Variants in NRXN1 observed in about 807,000 individuals in gnomAD.
The protein encoded by NRXN1 is neurexin-1.
Under a neutral mutation model 150.9 loss-of-function variants are expected in NRXN1, and 39 were observed. The ratio of observed to expected loss-of-function variants is 0.26; its 90% CI spans 0.20 to 0.34. The LOEUF (loss-of-function observed/expected upper bound fraction) is 0.34, where lower values mean the gene tolerates loss of function less well. NRXN1 is among the 10% of genes least tolerant of loss of function. NRXN1 has a pLI of 1.00. For synonymous variants in NRXN1, 924 were observed against 757.0 expected (o/e 1.22, Z -3.62); for missense variants, 1,815 against 1,949.9 (o/e 0.93, Z 1.30).
chr2:50,509,411 G>C (rs1373062048), intron 12 of NRXN1, among the ~76,000 whole-genome samples: 2 of 152,118 alleles, frequency 1.3e-5, no homozygotes, highest in African/African-American at 4.8e-5. Context: ...TCTATCTAGG[G>C]ATGCTGAAAT....
intron 5 of NRXN1, among the ~76,000 whole-genome samples, chr2:50,834,028 C>G (rs1198391470): frequency 6.6e-6 from 1 of 151,868 alleles, no homozygotes; most frequent in African/African-American, 2.4e-5. Flanking sequence ...TTAATTTATA[C>G]CAGATTATAC....
chr2:50,627,328 T>C (rs956180529), intron 5 of NRXN1, among the ~76,000 whole-genome samples: 2 of 150,096 alleles, frequency 1.3e-5, no homozygotes, highest in Non-Finnish European at 3.0e-5. Flanking sequence ...CATTTGATGA[T>C]AGGTAGTCAA....
At chr2:50,053,646 CAATGGATGATAA>C in intron 20 of NRXN1, 56 bp from the exon 21 acceptor site, 1 of 1,544,808 alleles carries the variant, frequency 6.5e-7, no homozygotes, top group South Asian at 1.1e-5. Context: ...TCTATATCTA[CAATGGATGATAA>C]AACAGATCTT....
intron 18 of NRXN1, among the ~76,000 whole-genome samples, chr2:50,106,115 C>T (rs1701604598): frequency 6.6e-6 from 1 of 151,874 alleles, no homozygotes; most frequent in African/African-American, 2.4e-5. Context: ...TACTCTCCTT[C>T]CATGTATATT....
At chr2:50,684,758 T>A (rs1270164316) in intron 5 of NRXN1, among the ~76,000 whole-genome samples, 1 of 152,320 alleles carries the variant, frequency 6.6e-6, no homozygotes, top group African/African-American at 2.4e-5. Flanking sequence ...CAGTTTAGAT[T>A]GTTAAGGTAA....
chr2:50,512,870 G>A lies in NRXN1; in HGVS notation c.2375-6253C>T, dbSNP rs567637747. Among the ~76,000 whole-genome samples, 27 of 152,200 alleles carry A rather than the reference G, an allele frequency of 1.8e-4. 1 individual carries two copies. The highest frequency in any genetic ancestry group is 4.6e-4 in the Admixed American group (7 of 15,278). On this transcript the variant is annotated intron_variant, in intron 12 of 22. Coordinates refer to ENST00000401669, the MANE Select transcript of NRXN1 (RefSeq NM_001330078.2). ...GAACCTCACTGCCATACACAGTTTC[G>A]GAAGCAGTGATGAAACGGGTGTGTT...
At chr2:50,131,616 T>G (rs936192500) in intron 18 of NRXN1, among the ~76,000 whole-genome samples, 1 of 152,218 alleles carries the variant, frequency 6.6e-6, no homozygotes, top group African/African-American at 2.4e-5. Context: ...TGTTGCCACT[T>G]AAAGTGCAGA....
chr2:50,287,201 G>A (rs1247566601), intron 17 of NRXN1, among the ~76,000 whole-genome samples: 4 of 152,040 alleles, frequency 2.6e-5, no homozygotes, highest in Non-Finnish European at 5.9e-5. Flanking sequence ...GTGTACCTAG[G>A]TCTCACATTT....
At chr2:51,019,299 T>C (rs11694753) in intron 2 of NRXN1, among the ~76,000 whole-genome samples, 38,838 of 151,974 alleles carry the variant, frequency 0.26, 5,546 homozygotes, top group Non-Finnish European at 0.33. Context: ...CGATATTTTA[T>C]AAAATTATCA....
At chr2:50,219,346 G>T in intron 18 of NRXN1, among the ~76,000 whole-genome samples, 1 of 128,388 alleles carries the variant, frequency 7.8e-6, no homozygotes, top group Non-Finnish European at 1.7e-5. Context: ...ACAAAACTGT[G>T]TTCTGTTTTG....
chr2:50,579,427 G>A (rs1163782674), intron 8 of NRXN1, among the ~76,000 whole-genome samples: 9 of 152,180 alleles, frequency 5.9e-5, no homozygotes, highest in Non-Finnish European at 1.3e-4. Flanking sequence ...TCGGAAGGCC[G>A]AGGCAGGAGG....
intron 2 of NRXN1, among the ~76,000 whole-genome samples, chr2:51,009,781 C>T (rs1281532094): frequency 3.3e-5 from 5 of 151,780 alleles, no homozygotes; most frequent in African/African-American, 4.8e-5. Flanking sequence ...GGATAACAAC[C>T]GGAAAAAGTG....
At chr2:50,524,680 G>A (rs1305185833) in intron 12 of NRXN1, among the ~76,000 whole-genome samples, 1 of 151,984 alleles carries the variant, frequency 6.6e-6, no homozygotes, top group Non-Finnish European at 1.5e-5. Flanking sequence ...CATATTTAAA[G>A]TAGTTACTGA....
chr2:50,391,511 A>C (rs2081698208), intron 17 of NRXN1, among the ~76,000 whole-genome samples: 1 of 152,186 alleles, frequency 6.6e-6, no homozygotes, highest in South Asian at 2.1e-4. Flanking sequence ...ACCCTCTTAA[A>C]ATATAGTTAT....
rs549177612 is a variant in NRXN1 at position 50,465,629 on chromosome 2, G to A, written c.3245-68C>T. The A allele has an allele frequency of 2.1e-5, 32 of 1,489,844 alleles. No individual in the cohort carries two copies. The African/African-American group carries it at 4.0e-4, about 19-fold the overall frequency. The allele number at this position is 1,489,844 out of a possible 1,614,324, so 92.3% of individuals were successfully genotyped here. ...CCAAAAGCATTTTATACATGAGCTA[G>A]ATCACATGTAGTAGTTGCCAACACC... On this transcript the variant is annotated intron_variant, in intron 16 of 22. Coordinates refer to ENST00000401669, the MANE Select transcript of NRXN1 (RefSeq NM_001330078.2).
intron 21 of NRXN1, among the ~76,000 whole-genome samples, chr2:49,963,792 G>T (rs992144302): frequency 1.1e-4 from 16 of 152,128 alleles, no homozygotes; most frequent in African/African-American, 3.9e-4. Flanking sequence ...ATTAAATGAC[G>T]AATCTCTTTC....
At chr2:50,019,942 C>G (rs1384572828) in intron 21 of NRXN1, among the ~76,000 whole-genome samples, 1 of 34,476 alleles carries the variant, frequency 2.9e-5, no homozygotes, top group African/African-American at 7.8e-5. Context: ...AGCAAGACTC[C>G]GTCTCAAAAA....
chr2:50,091,591 A>T, intron 18 of NRXN1, 97 bp from the exon 19 acceptor site: 1 of 1,270,768 alleles, frequency 7.9e-7, no homozygotes, highest in East Asian at 2.4e-5. Context: ...TGTGCTTTGG[A>T]CAACAGCTGC....
At chr2:50,507,338 T>A (rs2092277525) in intron 12 of NRXN1, among the ~76,000 whole-genome samples, 1 of 150,544 alleles carries the variant, frequency 6.6e-6, no homozygotes. Flanking sequence ...TAGGTATAAG[T>A]ATTGACTCAC....
Sources: gnomAD v4.1 joint callset for allele counts (sites outside exome capture counted in the v4.1 genomes callset) on GRCh38, gnomAD v4.1.1 for gene constraint, MANE v1.5 for transcripts, NCBI Gene and HGNC (gene_info 2026-07-23, HGNC 2026-07-21) for gene names.